The following WDR82 variants were observed in gnomAD, a reference collection of about 807,000 sequenced individuals.
The protein encoded by WDR82 is WD repeat domain 82.
WDR82 carries 8 observed loss-of-function variants against 36.1 expected under a neutral mutation model. The observed-to-expected ratio is 0.22, with a 90% CI of 0.13 to 0.40. The LOEUF is 0.40. Among genes scored for constraint, WDR82 ranks in the 10% least tolerant of loss-of-function variants. The pLI, the probability that WDR82 is intolerant of heterozygous loss-of-function variation, is 1.00. For synonymous variants in WDR82, 129 were observed against 137.8 expected (o/e 0.94, Z 0.45); for missense variants, 185 against 400.5 (o/e 0.46, Z 4.59).
intron 6 of WDR82, 115 bp from the exon 7 acceptor site, chr3:52,259,381 G>A: frequency 9.5e-7 from 1 of 1,047,696 alleles, no homozygotes; most frequent in Non-Finnish European, 1.4e-6. Context: ...CCCTTTCCTT[G>A]TCATGTACTA....
At chr3:52,257,646 C>T (rs1208988264) in intron 8 of WDR82, 127 bp from the exon 9 acceptor site, 2 of 974,788 alleles carry the variant, frequency 2.1e-6, no homozygotes, top group East Asian at 2.6e-5. Context: ...CTCTCCTAAC[C>T]AACCAACCCC....
intron 1 of WDR82, among the ~76,000 whole-genome samples, chr3:52,271,336 C>T (rs1219670131): frequency 6.6e-6 from 1 of 152,138 alleles, no homozygotes; most frequent in East Asian, 1.9e-4. Context: ...AGCCTAGGAG[C>T]AATGGGCCAT....
chr3:52,261,819 T>A (rs1169810839), intron 3 of WDR82, among the ~76,000 whole-genome samples: 2 of 152,198 alleles, frequency 1.3e-5, no homozygotes, highest in Non-Finnish European at 2.9e-5. Flanking sequence ...CATACATTGC[T>A]AATGGAAATG....
intron 2 of WDR82, among the ~76,000 whole-genome samples, chr3:52,269,272 C>T (rs983817728): frequency 6.6e-5 from 10 of 151,938 alleles, no homozygotes; most frequent in South Asian, 6.2e-4. Flanking sequence ...GTCAGGAGTT[C>T]GAGACCAGCC....
rs1700018396 is a variant in WDR82 at position 52,257,304 on chromosome 3, T to C, written c.*186A>G. Reference sequence around the variant, plus strand: ...TGAGTCTGTTGCACCAAGAGTCCTTTTGAAGACGCTCATCAAAGTAATTAT... The same window carrying C: ...TGAGTCTGTTGCACCAAGAGTCCTTCTGAAGACGCTCATCAAAGTAATTAT... On this transcript the variant is annotated 3_prime_UTR_variant, in exon 9 of 9. Coordinates refer to ENST00000296490, the MANE Select transcript of WDR82 (RefSeq NM_025222.4). The C allele has an allele frequency of 1.4e-6, 1 of 734,628 alleles. No homozygotes were observed. The highest frequency in any genetic ancestry group is 2.2e-6 in the Non-Finnish European group (1 of 454,966). The allele number at this position is 734,628 out of a possible 1,614,324, so 45.5% of individuals were successfully genotyped here. A position where few individuals can be genotyped will look rare whatever the true frequency, so the allele number is the denominator to read the frequency against.
chr3:52,265,828 A>G (rs1467542895), intron 3 of WDR82, among the ~76,000 whole-genome samples: 1 of 151,996 alleles, frequency 6.6e-6, no homozygotes, highest in East Asian at 1.9e-4. Flanking sequence ...TGTCCTCCTC[A>G]GCCTTCCAAA....
At chr3:52,276,409 C>G (rs766265959) in intron 1 of WDR82, among the ~76,000 whole-genome samples, 26 of 150,358 alleles carry the variant, frequency 1.7e-4, no homozygotes, top group Non-Finnish European at 3.2e-4. Context: ...CCAGCCTGGG[C>G]GACGGAGAGA....
intron 3 of WDR82, among the ~76,000 whole-genome samples, chr3:52,262,520 C>T (rs1442971881): frequency 6.6e-6 from 1 of 152,162 alleles, no homozygotes; most frequent in Admixed American, 6.5e-5. Flanking sequence ...AAACAGACTG[C>T]TAGGATCTGC....
chr3:52,258,347 A>G (rs1347023220), intron 8 of WDR82, among the ~76,000 whole-genome samples, 189 bp downstream of exon 8: 2 of 152,214 alleles, frequency 1.3e-5, no homozygotes, highest in African/African-American at 4.8e-5. Context: ...ATAAAAATGA[A>G]AGGCAAGACC....
chr3:52,268,326 T>C (rs371266565), intron 2 of WDR82: 50 of 472,106 alleles, frequency 1.1e-4, no homozygotes, highest in Non-Finnish European at 1.5e-4. Context: ...GGTGGTATCA[T>C]AGACCCTCAA....
chr3:52,257,769 T>C (rs1450387844), intron 8 of WDR82, among the ~76,000 whole-genome samples: 3 of 152,100 alleles, frequency 2.0e-5, no homozygotes, highest in African/African-American at 7.2e-5. Context: ...CGCCCCCTTT[T>C]TTTTAAAGGA....
chr3:52,260,356 T>C (rs1323175327), intron 5 of WDR82, 29 bp downstream of exon 5: 5 of 1,480,560 alleles, frequency 3.4e-6, no homozygotes, highest in African/African-American at 1.5e-5. Context: ...AAAAAACAGC[T>C]CAAAGATCTC....
At chr3:52,278,002 G>T in intron 1 of WDR82, 199 bp downstream of exon 1, 10 of 420,636 alleles carry the variant, frequency 2.4e-5, no homozygotes, top group Non-Finnish European at 2.0e-5. Flanking sequence ...ATAAAATTAT[G>T]ACTATCGTTA....
rs758760178 is a variant in WDR82, at chr3:52,258,656, A to G, written c.792T>C (p.His264=). The change falls in exon 8 of 9, where the codon CAT becomes CAC. Residue 264 remains histidine, a synonymous_variant. Transcript: ENST00000296490. ...TTATACCGCTCTCTCCATTCCAGAC[A>G]TGGATCTTGCCATCCTCTGAACCTA... The part of the protein sequence containing the change: ...IMIGSEDGKI[H]VWNGESGIKV... 1.5e-5 allele frequency: 24 copies of G among 1,614,100 alleles called. No individual in the cohort carries two copies. In the African/African-American group the frequency reaches 2.9e-4, roughly 20 times the overall value.
At chr3:52,274,962 C>T (rs1700189785) in intron 1 of WDR82, among the ~76,000 whole-genome samples, 1 of 151,978 alleles carries the variant, frequency 6.6e-6, no homozygotes, top group African/African-American at 2.4e-5. Flanking sequence ...GTGGCTCATG[C>T]CTGCAATCCC....
At position 52,256,694 on chromosome 3, in the gene WDR82, G is replaced by C. The variant is rs1448749454; in HGVS notation, c.*796C>G. 6.5e-6 allele frequency: 1 copy of C among 153,730 alleles called. No individual in the cohort carries two copies. Among genetic ancestry groups the C allele is most frequent in the Non-Finnish European group, 1.5e-5 (1 of 68,060 alleles). 9.5% of individuals were successfully genotyped at this position (153,730 alleles called of 1,614,324 possible). A position where few individuals can be genotyped will look rare whatever the true frequency, so the allele number is the denominator to read the frequency against. ...AACCAAGCTTGGTAGGCACCCAGGA[G>C]GACCGTGGGTTTGTCTTGATGACAG... On this transcript the variant is annotated 3_prime_UTR_variant, in exon 9 of 9. Coordinates refer to ENST00000296490, the MANE Select transcript of WDR82 (RefSeq NM_025222.4).
In WDR82 at chr3:52,259,885, A is replaced by G; in HGVS notation, c.544-13T>C. 1 of 1,609,212 alleles carries G rather than the reference A, an allele frequency of 6.2e-7. No homozygotes were observed. Among genetic ancestry groups the G allele is most frequent in the Non-Finnish European group, 8.5e-7 (1 of 1,177,568 alleles). ...TAGCAAATGGCCCCTGCAAAAGATA[A>G]AAAACAGTAGCCCCAGGCATATTAA... On this transcript the variant is annotated splice_polypyrimidine_tract_variant and intron_variant, in intron 5 of 8. Coordinates refer to ENST00000296490, the MANE Select transcript of WDR82 (RefSeq NM_025222.4).
Position 52,278,604 on chromosome 3 carries a change from C to G in WDR82, c.-243G>C, listed in dbSNP as rs1422737136. The G allele has an allele frequency of 7.5e-6, 3 of 402,346 alleles. No homozygotes were observed. Among genetic ancestry groups the G allele is most frequent in the Non-Finnish European group, 1.3e-5 (3 of 229,902 alleles). 24.9% of individuals were successfully genotyped at this position (402,346 alleles called of 1,614,324 possible). A position where few individuals can be genotyped will look rare whatever the true frequency, so the allele number is the denominator to read the frequency against. On this transcript the variant is annotated 5_prime_UTR_variant, in exon 1 of 9. Transcript: ENST00000296490. ...CACCTCACGGACAACCGGCGCGTCG[C>G]CGGCTCATTGTGTCCGCCATTTTGG...
chr3:52,276,090 A>G (rs1182332669), intron 1 of WDR82, among the ~76,000 whole-genome samples: 1 of 152,208 alleles, frequency 6.6e-6, no homozygotes, highest in Non-Finnish European at 1.5e-5. Context: ...TAAAAATGCT[A>G]CGAGTAAATA....
Sources: gnomAD v4.1 joint callset for allele counts (sites outside exome capture counted in the v4.1 genomes callset) on GRCh38, gnomAD v4.1.1 for gene constraint, MANE v1.5 for transcripts, NCBI Gene and HGNC (gene_info 2026-07-23, HGNC 2026-07-21) for gene names.